PLS1: variants seen among roughly 807,000 people sequenced by gnomAD.
PLS1 encodes the protein plastin 1.
PLS1 carries 32 observed loss-of-function variants against 73.7 expected under a neutral mutation model. That is an observed-to-expected ratio of 0.43 (90% CI 0.33 to 0.58). The LOEUF (loss-of-function observed/expected upper bound fraction) is 0.58, where lower values mean the gene tolerates loss of function less well. Among genes scored for constraint, PLS1 ranks in the 20% least tolerant of loss-of-function variants. The probability of loss-of-function intolerance (pLI) is 0.04; values close to 1 mark genes in which losing one functional copy is unlikely to be tolerated. For missense variants in PLS1, 633 were observed against 740.5 expected (o/e 0.85, Z 1.68); for synonymous variants, 217 against 261.3 (o/e 0.83, Z 1.63).
At position 142,684,101 on chromosome 3, in the gene PLS1, G is replaced by C; in HGVS notation, c.675G>C (p.Leu225Phe). The change falls in exon 7 of 16, where the codon TTG (leucine) becomes TTC (phenylalanine). Residue 225 changes from leucine to phenylalanine, a missense_variant. Coordinates refer to ENST00000457734, the MANE Select transcript of PLS1 (RefSeq NM_001145319.2). ...ATCTCAAAGAAGGAAAACCTCACTT[G>C]GTCTTGGGACTTCTCTGGCAGATCA... ...ASDLKEGKPHLVLGLLWQIIK... is the reference protein window; with the variant it reads ...ASDLKEGKPHFVLGLLWQIIK... 1 of 1,613,886 alleles carries C rather than the reference G, an allele frequency of 6.2e-7. No individual in the cohort carries two copies.
At chr3:142,703,012 A>G (rs1321326510) in intron 12 of PLS1, among the ~76,000 whole-genome samples, 1 of 152,226 alleles carries the variant, frequency 6.6e-6, no homozygotes, top group Non-Finnish European at 1.5e-5. Context: ...TAGGAGTTCA[A>G]GCAAAGGATA....
intron 9 of PLS1, 78 bp from the exon 10 acceptor site, chr3:142,689,540 T>A (rs1268529918): frequency 3.0e-6 from 2 of 665,394 alleles, no homozygotes; most frequent in South Asian, 4.6e-5. Context: ...GGAAAAGTAA[T>A]TGCTTATAAA....
intron 1 of PLS1, among the ~76,000 whole-genome samples, chr3:142,611,439 T>C (rs1216150959): frequency 6.6e-6 from 1 of 152,156 alleles, no homozygotes; most frequent in African/African-American, 2.4e-5. Flanking sequence ...CTGGGCTACA[T>C]AGTGAGATCT....
chr3:142,635,782 TA>T (rs2036673630), intron 1 of PLS1, among the ~76,000 whole-genome samples: 1 of 152,182 alleles, frequency 6.6e-6, no homozygotes, highest in Non-Finnish European at 1.5e-5. Context: ...GTGAATGACC[TA>T]GAATGGCCCA....
intron 14 of PLS1, among the ~76,000 whole-genome samples, chr3:142,710,052 A>G (rs1276001143): frequency 6.6e-6 from 1 of 152,166 alleles, no homozygotes; most frequent in Admixed American, 6.5e-5. Flanking sequence ...ACAGAAACCC[A>G]ATTTCAAGTG....
intron 6 of PLS1, among the ~76,000 whole-genome samples, chr3:142,682,689 A>G (rs1404607052): frequency 3.3e-5 from 5 of 152,214 alleles, no homozygotes; most frequent in Non-Finnish European, 7.3e-5. Flanking sequence ...GGAAGCAAAG[A>G]GAAAAATATT....
intron 1 of PLS1, among the ~76,000 whole-genome samples, chr3:142,621,825 A>G (rs187643546): frequency 1.7e-3 from 261 of 152,350 alleles, no homozygotes; most frequent in Non-Finnish European, 2.7e-3. Flanking sequence ...GGGGGAAATC[A>G]GAGCAAATAT....
intron 1 of PLS1, among the ~76,000 whole-genome samples, chr3:142,642,444 A>G (rs1420549909): frequency 6.6e-6 from 1 of 152,242 alleles, no homozygotes; most frequent in Non-Finnish European, 1.5e-5. Flanking sequence ...CTTCTGTAGA[A>G]TAATTCCTAC....
intron 11 of PLS1, among the ~76,000 whole-genome samples, chr3:142,697,593 T>G (rs1350045766): frequency 1.3e-5 from 2 of 152,196 alleles, no homozygotes; most frequent in Non-Finnish European, 2.9e-5. Context: ...AAATTTGATA[T>G]GTCTTGCAAA....
chr3:142,657,314 G>C (rs1427686919), intron 1 of PLS1: 1 of 152,312 alleles, frequency 6.6e-6, no homozygotes, highest in Non-Finnish European at 1.5e-5. Flanking sequence ...TGGTTTCTCA[G>C]AGGTGGCCTC....
At position 142,684,392 on chromosome 3, in the gene PLS1, T is replaced by G. The variant is rs1362323268; in HGVS notation, c.885T>G (p.Ile295Met). Residue 295 changes from isoleucine (I) to methionine (M), a missense_variant, in exon 8 of 16, where the codon ATT becomes ATG. Physicochemically the swap from Ile to Met is conservative, Grantham distance 10. Transcript: ENST00000457734. ...CCATCAGCAACTTCAGCCAAGACAT[T>G]AAGGTTTATATTTAAATGTTCAAAT... Reference protein sequence around the residue: ...WHTISNFSQDIKDSRAYFHLL... With the variant: ...WHTISNFSQDMKDSRAYFHLL... The G allele has an allele frequency of 6.2e-7, 1 of 1,611,934 alleles. No homozygotes were observed. Among genetic ancestry groups the G allele is most frequent in the Non-Finnish European group, 8.5e-7 (1 of 1,178,560 alleles).
chr3:142,644,355 A>T (rs2036907210), intron 1 of PLS1, among the ~76,000 whole-genome samples: 1 of 151,822 alleles, frequency 6.6e-6, no homozygotes, highest in South Asian at 2.1e-4. Flanking sequence ...GGCTCAAGGG[A>T]TTCTCCTACC....
At chr3:142,624,031 A>G (rs1008939171) in intron 1 of PLS1, among the ~76,000 whole-genome samples, 19 of 152,136 alleles carry the variant, frequency 1.2e-4, no homozygotes, top group African/African-American at 4.6e-4. Flanking sequence ...TCCAGTCTAT[A>G]GTTTAATTGT....
At chr3:142,709,436 CT>C (rs1246007212) in intron 14 of PLS1, among the ~76,000 whole-genome samples, 2 of 152,192 alleles carry the variant, frequency 1.3e-5, no homozygotes, top group Non-Finnish European at 1.5e-5. Context: ...AACATTACCC[CT>C]GGCCAAAGAT....
At chr3:142,677,378 G>A (rs1480129179) in intron 5 of PLS1, among the ~76,000 whole-genome samples, 1 of 152,162 alleles carries the variant, frequency 6.6e-6, no homozygotes, top group Non-Finnish European at 1.5e-5. Context: ...GGGCGTGGTG[G>A]CTCATGCCTG....
intron 6 of PLS1, 34 bp from the exon 7 acceptor site, chr3:142,683,972 T>C: frequency 6.5e-7 from 1 of 1,542,716 alleles, no homozygotes; most frequent in Non-Finnish European, 8.8e-7. Context: ...TAGAAAGGAC[T>C]TCCTCATGTG....
intron 6 of PLS1, 81 bp from the exon 7 acceptor site, chr3:142,683,925 C>T: frequency 2.1e-6 from 2 of 960,604 alleles, no homozygotes; most frequent in Non-Finnish European, 3.1e-6. Context: ...TTTGGCAGTC[C>T]ATTGTTTCTT....
chr3:142,647,247 G>A (rs2036971954), intron 1 of PLS1, among the ~76,000 whole-genome samples: 1 of 152,184 alleles, frequency 6.6e-6, no homozygotes, highest in South Asian at 2.1e-4. Flanking sequence ...TAAAAGTGAT[G>A]TTGTTAACTA....
intron 14 of PLS1, among the ~76,000 whole-genome samples, chr3:142,711,281 T>G (rs1933113108): frequency 6.6e-6 from 1 of 152,190 alleles, no homozygotes; most frequent in South Asian, 2.1e-4. Flanking sequence ...TCCACAAACC[T>G]TATTCAGATA....
Sources: allele counts gnomAD v4.1 joint callset (sites outside exome capture counted in the v4.1 genomes callset), GRCh38; gene constraint gnomAD v4.1.1; transcripts MANE v1.5; gene names NCBI Gene and HGNC (gene_info 2026-07-23, HGNC 2026-07-21).